Variants in PCDHGA6 observed in about 807,000 individuals in gnomAD.
The protein encoded by PCDHGA6 is protocadherin gamma subfamily A, 6.
Under a neutral mutation model 60.6 loss-of-function variants are expected in PCDHGA6, and 41 were observed. The ratio of observed to expected loss-of-function variants is 0.68; its 90% CI spans 0.53 to 0.88. The LOEUF (loss-of-function observed/expected upper bound fraction) is 0.88. PCDHGA6 is among the 40% of genes least tolerant of loss of function. The pLI, the probability that PCDHGA6 is intolerant of heterozygous loss-of-function variation, is 0.00. For synonymous variants in PCDHGA6, 594 were observed against 524.4 expected, an observed-to-expected ratio of 1.13 and a Z score of -1.81; for missense variants, 1,312 against 1,203.0, an observed-to-expected ratio of 1.09 and a Z score of -1.34.
chr5:141,403,256 T>G, intron 1 of PCDHGA6: 3 of 1,613,854 alleles, frequency 1.9e-6, no homozygotes, highest in Non-Finnish European at 2.5e-6. Flanking sequence ...GAGCCCGCGG[T>G]GTCTGGTGAA....
intron 1 of PCDHGA6, among the ~76,000 whole-genome samples, chr5:141,455,803 A>C (rs1197986124): frequency 2.6e-5 from 4 of 152,068 alleles, no homozygotes; most frequent in Non-Finnish European, 4.4e-5. Flanking sequence ...TGCTTTAAAA[A>C]ATGAAAACTT....
At position 141,457,403 on chromosome 5, in the gene PCDHGA6, C is replaced by A. The variant is rs550748216; in HGVS notation, c.2425-37404C>A. On this transcript the variant is annotated intron_variant, in intron 1 of 3. Transcript: ENST00000517434. ...GAACTAGCATATTGATTCACATTTT[C>A]ACATTACCCATCCCTTTTTCCCCCC... Among the ~76,000 whole-genome samples, 4 of 152,328 alleles carry A rather than the reference C, an allele frequency of 2.6e-5. No homozygotes were observed. In the East Asian group the frequency reaches 7.7e-4, roughly 29 times the overall value.
chr5:141,432,569 C>T lies in PCDHGA6; in HGVS notation c.2424+56062C>T. The T allele has an allele frequency of 6.2e-7, 1 of 1,613,920 alleles. No homozygotes were observed. On this transcript the variant is annotated intron_variant, in intron 1 of 3. Coordinates refer to ENST00000517434, the MANE Select transcript of PCDHGA6 (RefSeq NM_018919.3). This position sits in a 1 kb window ranked among gnomAD's most constrained non-coding sequence, Gnocchi z 6.0. ...CAGAGACTCCGGCCAGAACGCCTGG[C>T]TGTCCTACCGTCTGCTCAAGGCCAG...
chr5:141,454,567 C>G (rs572130062), intron 1 of PCDHGA6, among the ~76,000 whole-genome samples: 1 of 150,856 alleles, frequency 6.6e-6, no homozygotes, highest in Non-Finnish European at 1.5e-5. Flanking sequence ...CCACCACGCC[C>G]GGCTAATTTT....
At chr5:141,470,734 G>A (rs970003510) in intron 1 of PCDHGA6, among the ~76,000 whole-genome samples, 1 of 152,128 alleles carries the variant, frequency 6.6e-6, no homozygotes, top group Non-Finnish European at 1.5e-5. Context: ...GTCTTGCTCT[G>A]TCGCCCTGGC....
rs144482292 is a variant in PCDHGA6 at position 141,385,630 on chromosome 5, C to T, written c.2424+9123C>T. 4.8e-3 allele frequency: 4,617 copies of T among 957,834 alleles called. 22 individuals are homozygous for T. The highest frequency in any genetic ancestry group is 0.011 in the Admixed American group (240 of 22,730). The allele number at this position is 957,834 out of a possible 1,614,324, so 59.3% of individuals were successfully genotyped here. ...ATATATTTTATACATTGGAATGAAT[C>T]GAGTCTTTCATATTGCACAAGGTTA... is the stretch of plus-strand genomic sequence containing the variant. On this transcript the variant is annotated intron_variant, in intron 1 of 3. Coordinates refer to ENST00000517434, the MANE Select transcript of PCDHGA6 (RefSeq NM_018919.3).
chr5:141,428,594 G>A (rs1317075888), intron 1 of PCDHGA6: 4 of 227,916 alleles, frequency 1.8e-5, no homozygotes, highest in African/African-American at 9.1e-5. Context: ...CTGGTAGCAA[G>A]CTTCACTGAA....
Position 141,374,169 on chromosome 5 carries a change from C to A in PCDHGA6, c.86C>A (p.Ala29Glu). ...GGGACGCTGTGGGGGGCCGCGGCAGCGCAGATCCGCTACTCTATTCCCGAG... is the reference window on the plus strand; with the variant it reads ...GGGACGCTGTGGGGGGCCGCGGCAGAGCAGATCCGCTACTCTATTCCCGAG... ...LLGTLWGAAAAQIRYSIPEEL... is the reference protein window; with the variant it reads ...LLGTLWGAAAEQIRYSIPEEL... The change falls in exon 1 of 4, where the codon GCG (alanine) becomes GAG (glutamate). Residue 29 changes from alanine to glutamate, a missense_variant. Transcript: ENST00000517434. The A allele has an allele frequency of 6.2e-7, 1 of 1,613,236 alleles. No homozygotes were observed. The highest frequency in any genetic ancestry group is 1.3e-5 in the African/African-American group (1 of 75,050).
At chr5:141,420,521 C>A in intron 1 of PCDHGA6, 1 of 378,418 alleles carries the variant, frequency 2.6e-6, no homozygotes, top group Non-Finnish European at 4.4e-6. Context: ...AGTAAAATAC[C>A]TTTCGGTTAA....
chr5:141,464,048 T>C (rs377735829), intron 1 of PCDHGA6, among the ~76,000 whole-genome samples: 1 of 152,260 alleles, frequency 6.6e-6, no homozygotes, highest in South Asian at 2.1e-4. Context: ...GTGGATCACC[T>C]GAGGTCAGGA....
rs979093310 is a variant in PCDHGA6 at position 141,486,621 on chromosome 5, A to G, written c.2425-8186A>G. On this transcript the variant is annotated intron_variant, in intron 1 of 3. Transcript: ENST00000517434. This position sits in a 1 kb window ranked among gnomAD's most constrained non-coding sequence, Gnocchi z 5.0. The stretch of plus-strand genomic sequence containing the variant: ...TGCTCCCTTGCAGCCTCTGACCCAG[A>G]CTCTGGCTTGAATGCGCTTATCTCC... 6.2e-7 allele frequency: 1 copy of G among 1,613,388 alleles called. No individual in the cohort carries two copies. The highest frequency in any genetic ancestry group is 1.3e-5 in the African/African-American group (1 of 74,960).
chr5:141,443,708 T>G (rs2098400247), intron 1 of PCDHGA6, among the ~76,000 whole-genome samples: 1 of 152,192 alleles, frequency 6.6e-6, no homozygotes, highest in Non-Finnish European at 1.5e-5. Context: ...GAATAACATT[T>G]GCATATAAAA....
chr5:141,419,763 A>T, intron 1 of PCDHGA6: 1 of 1,614,014 alleles, frequency 6.2e-7, no homozygotes, highest in South Asian at 1.1e-5. Flanking sequence ...TTGGGTGACA[A>T]GGACTCGGTC....
chr5:141,474,837 C>T (rs1250443544), intron 1 of PCDHGA6, among the ~76,000 whole-genome samples: 2 of 152,214 alleles, frequency 1.3e-5, no homozygotes, highest in Admixed American at 6.5e-5. Flanking sequence ...CTGTGCCAGG[C>T]ACTTTACCTG....
At chr5:141,378,646 T>C (rs1429624109) in intron 1 of PCDHGA6, 2 of 152,184 alleles carry the variant, frequency 1.3e-5, no homozygotes. Flanking sequence ...GGAGAACAAA[T>C]GTTAATGAGG....
intron 1 of PCDHGA6, chr5:141,479,772 G>A (rs904607838): frequency 1.3e-5 from 2 of 152,192 alleles, no homozygotes; most frequent in Non-Finnish European, 2.9e-5. Flanking sequence ...CATATCCTTA[G>A]ACAGGTAAAG....
At chr5:141,427,617 G>A (rs1295636754) in intron 1 of PCDHGA6, 3 of 694,694 alleles carry the variant, frequency 4.3e-6, no homozygotes, top group Admixed American at 2.0e-5. Flanking sequence ...TGAAGTCAAC[G>A]ACAATGCTCC....
In PCDHGA6 at chr5:141,511,286, G is replaced by A. The variant is rs1231704933; in HGVS notation, c.*113G>A. On this transcript the variant is annotated 3_prime_UTR_variant, in exon 4 of 4. Coordinates refer to ENST00000517434, the MANE Select transcript of PCDHGA6 (RefSeq NM_018919.3). The stretch of plus-strand genomic sequence containing the variant: ...GGCTAACCCCCAGAATACTGGTAGG[G>A]GCCAAGGCCATGCTCCCCTTGGGAA... 2 of 1,520,242 alleles carry A rather than the reference G, an allele frequency of 1.3e-6. No individual in the cohort carries two copies. The allele number at this position is 1,520,242 out of a possible 1,614,324, so 94.2% of individuals were successfully genotyped here.
chr5:141,438,619 TATATATATATATATATACAC>T (rs1310378007), intron 1 of PCDHGA6, among the ~76,000 whole-genome samples: 16 of 39,678 alleles, frequency 4.0e-4, no homozygotes, highest in African/African-American at 1.2e-3. Flanking sequence ...TATATATATA[TATATATATATATATATACAC>T]ACACACACAC....
Sources: gnomAD v4.1 joint callset for allele counts (sites outside exome capture counted in the v4.1 genomes callset) on GRCh38, gnomAD v4.1.1 for gene constraint, Gnocchi (gnomAD v3.1) non-coding constraint, MANE v1.5 for transcripts, NCBI Gene and HGNC (gene_info 2026-07-23, HGNC 2026-07-21) for gene names.